NRG3: variants seen among roughly 807,000 people sequenced by gnomAD.
NRG3 encodes pro-neuregulin-3, membrane-bound isoform.
A neutral mutation model predicts 66.9 loss-of-function variants in NRG3; 31 were observed. The observed-to-expected ratio is 0.46, with a 90% CI of 0.35 to 0.63. The LOEUF (loss-of-function observed/expected upper bound fraction) is 0.63. Among genes scored for constraint, NRG3 ranks in the 20% least tolerant of loss-of-function variants. The pLI is 0.00. For missense variants in NRG3, 910 were observed against 878.9 expected (o/e 1.04, Z -0.45); for synonymous variants, 393 against 359.4 (o/e 1.09, Z -1.06).
At chr10:82,054,974 C>T (rs1400353600) in intron 1 of NRG3, among the ~76,000 whole-genome samples, 5 of 151,656 alleles carry the variant, frequency 3.3e-5, no homozygotes, top group African/African-American at 1.2e-4. Flanking sequence ...ATCATACCAG[C>T]ACACTCTAGC....
chr10:82,560,740 A>C (rs2044984562), intron 2 of NRG3, among the ~76,000 whole-genome samples: 1 of 150,384 alleles, frequency 6.6e-6, no homozygotes, highest in Non-Finnish European at 1.5e-5. Context: ...AAAAGTTGTA[A>C]GTTTTTGTGA....
intron 1 of NRG3, among the ~76,000 whole-genome samples, chr10:82,349,184 A>C (rs566565150): frequency 6.7e-6 from 1 of 149,534 alleles, no homozygotes; most frequent in Admixed American, 6.6e-5. Context: ...TTTTTTCCCC[A>C]TCTTTGTGGT....
At chr10:82,158,804 C>T (rs190557271) in intron 1 of NRG3, among the ~76,000 whole-genome samples, 16 of 151,988 alleles carry the variant, frequency 1.1e-4, no homozygotes, top group Admixed American at 9.2e-4. Flanking sequence ...TTCTTAACCA[C>T]TGTCCTTGAT....
intron 5 of NRG3, among the ~76,000 whole-genome samples, chr10:82,952,513 G>A (rs1015536027): frequency 1.5e-5 from 2 of 137,204 alleles, no homozygotes; most frequent in African/African-American, 2.8e-5. Context: ...GTGTGTGTGT[G>A]TGTGTGTATT....
At chr10:82,903,193 C>T (rs1474966633) in intron 4 of NRG3, among the ~76,000 whole-genome samples, 5 of 152,130 alleles carry the variant, frequency 3.3e-5, no homozygotes, top group African/African-American at 1.2e-4. Context: ...CACTATAGCA[C>T]ATACTGTAAA....
intron 3 of NRG3, among the ~76,000 whole-genome samples, chr10:82,749,070 C>T (rs1889708): frequency 0.1 from 15,878 of 152,020 alleles, 2,587 homozygotes; most frequent in African/African-American, 0.35. Context: ...TAACAAATTG[C>T]AATATGGGTT....
chr10:82,780,227 G>A (rs890766844), intron 3 of NRG3, among the ~76,000 whole-genome samples: 24 of 152,000 alleles, frequency 1.6e-4, no homozygotes, highest in Non-Finnish European at 3.1e-4. Flanking sequence ...AATCCTTTGG[G>A]TATATACCCA....
chr10:82,520,943 AT>A (rs1253938707), intron 2 of NRG3, among the ~76,000 whole-genome samples: 3 of 152,196 alleles, frequency 2.0e-5, no homozygotes, highest in Non-Finnish European at 4.4e-5. Flanking sequence ...GCCAGTTAAA[AT>A]ACAAGACTCC....
chr10:82,494,271 G>GT (rs1284598426), intron 2 of NRG3, among the ~76,000 whole-genome samples: 5 of 152,108 alleles, frequency 3.3e-5, no homozygotes, highest in South Asian at 2.1e-4. Flanking sequence ...AAGATAATTA[G>GT]TTTTTTATCT....
At chr10:82,791,818 T>C (rs1238188830) in intron 3 of NRG3, among the ~76,000 whole-genome samples, 1 of 152,198 alleles carries the variant, frequency 6.6e-6, no homozygotes, top group African/African-American at 2.4e-5. Context: ...AACTCTCTTA[T>C]GATAGGGCTT....
At chr10:82,140,258 G>T (rs941325195) in intron 1 of NRG3, among the ~76,000 whole-genome samples, 2 of 151,986 alleles carry the variant, frequency 1.3e-5, no homozygotes, top group Non-Finnish European at 2.9e-5. Flanking sequence ...CAGATCTCTA[G>T]AAATTCTCAC....
intron 1 of NRG3, among the ~76,000 whole-genome samples, chr10:82,085,241 A>G (rs12267183): frequency 0.027 from 4,175 of 152,226 alleles, 221 homozygotes; most frequent in African/African-American, 0.097. Context: ...AGGACGCATC[A>G]TCTGTCCACG....
At chr10:82,045,410 G>T (rs1166631178) in intron 1 of NRG3, among the ~76,000 whole-genome samples, 6 of 96,410 alleles carry the variant, frequency 6.2e-5, no homozygotes, top group East Asian at 3.3e-4. Flanking sequence ...TTTTTGATGG[G>T]GTTGTTTGTT....
At chr10:81,897,491 A>G (rs1330261120) in intron 1 of NRG3, among the ~76,000 whole-genome samples, 1 of 152,000 alleles carries the variant, frequency 6.6e-6, no homozygotes, top group Non-Finnish European at 1.5e-5. Context: ...AGATTGAAGG[A>G]AAAACAGGAA....
At chr10:82,074,888 A>AT (rs2065006399) in intron 1 of NRG3, among the ~76,000 whole-genome samples, 1 of 152,146 alleles carries the variant, frequency 6.6e-6, no homozygotes, top group African/African-American at 2.4e-5. Flanking sequence ...ATTCAGCCAC[A>AT]TTGTCCTCCA....
chr10:82,131,502 T>C (rs112423360), intron 1 of NRG3, among the ~76,000 whole-genome samples: 2,345 of 144,842 alleles, frequency 0.016, 25 homozygotes, highest in Non-Finnish European at 0.022. Flanking sequence ...TTTGCCCAGG[T>C]TGGCTTTGGG....
At chr10:82,471,890 GAA>G (rs71009809) in intron 2 of NRG3, among the ~76,000 whole-genome samples, 1 of 145,666 alleles carries the variant, frequency 6.9e-6, no homozygotes, top group East Asian at 2.0e-4. Flanking sequence ...ACTCCATCTC[GAA>G]AAAAAAAAAA....
chr10:82,296,924 T>A (rs1242203033), intron 1 of NRG3, among the ~76,000 whole-genome samples: 1 of 152,130 alleles, frequency 6.6e-6, no homozygotes, highest in Non-Finnish European at 1.5e-5. Context: ...AACCCTTTAC[T>A]CCCTCCCTCC....
At chr10:82,250,004 G>A (rs751079656) in intron 1 of NRG3, among the ~76,000 whole-genome samples, 6 of 152,134 alleles carry the variant, frequency 3.9e-5, no homozygotes, top group Admixed American at 2.6e-4. Flanking sequence ...CAGGTGACCC[G>A]TCAGAATAAG....
Sources: allele counts gnomAD v4.1 joint callset (sites outside exome capture counted in the v4.1 genomes callset), GRCh38; gene constraint gnomAD v4.1.1; transcripts MANE v1.5; gene names NCBI Gene and HGNC (gene_info 2026-07-23, HGNC 2026-07-21).